The following GPR174 variants were observed in gnomAD, a reference collection of about 807,000 sequenced individuals.
The protein encoded by GPR174 is probable G protein-coupled receptor 174.
GPR174 carries 8 observed loss-of-function variants against 16.5 expected under a neutral mutation model. The observed-to-expected ratio is 0.48, with a 90% CI of 0.28 to 0.87. GPR174 has a LOEUF of 0.87. Ranked by LOEUF, GPR174 falls within the 40% of genes least tolerant of loss-of-function variation. The pLI is 0.09. For synonymous variants in GPR174, 111 were observed against 94.8 expected, an observed-to-expected ratio of 1.17 and a Z score of -0.99; for missense variants, 214 against 247.5, an observed-to-expected ratio of 0.86 and a Z score of 0.91.
At chrX:79,159,416 G>A (rs901180179) in intron 2 of GPR174, among the ~76,000 whole-genome samples, 3 of 112,126 alleles carry the variant, frequency 2.7e-5, no homozygotes, top group Admixed American at 9.4e-5. Flanking sequence ...TGGCCACAAC[G>A]TTTGTGTATG....
chrX:79,158,265 C>A (rs1293904085), intron 2 of GPR174, among the ~76,000 whole-genome samples: 2 of 105,700 alleles, frequency 1.9e-5, no homozygotes, highest in Non-Finnish European at 3.9e-5. Flanking sequence ...CTGTTCAAGA[C>A]CACTTGAGCC....
intron 2 of GPR174, among the ~76,000 whole-genome samples, chrX:79,158,085 A>G (rs906782834): frequency 3.8e-5 from 4 of 105,723 alleles, no homozygotes; most frequent in African/African-American, 1.4e-4. Flanking sequence ...AGGGAATGGC[A>G]AAAACCACAA....
In GPR174 at chrX:79,175,312, A is replaced by G. The variant is rs1921614558; in HGVS notation, c.*3303A>G. 8.9e-6 allele frequency: 1 copy of G among 112,334 alleles called. No homozygotes were observed. The highest frequency in any genetic ancestry group is 9.4e-5 in the Admixed American group (1 of 10,593). The allele number at this position is 112,334 out of a possible 1,213,427, so 9.3% of individuals were successfully genotyped here. On this transcript the variant is annotated 3_prime_UTR_variant, in exon 3 of 3. Coordinates refer to ENST00000645147, the MANE Select transcript of GPR174 (RefSeq NM_032553.3). ...TAATAAAGATTGTCTTTGTAATTAC[A>G]TAGAAATTTTCTGCCTCCAGAAGTC...
At position 79,171,427 on chromosome X, in the gene GPR174, T is replaced by C; in HGVS notation, c.420T>C (p.Ala140=). 8.3e-7 allele frequency: 1 copy of C among 1,211,742 alleles called. No individual in the cohort carries two copies. ...KQKYDLYISI[A]GWLIICLACV... ...AATATGACCTGTACATCAGCATTGC[T>C]GGCTGGCTGATCATCTGCCTTGCCT... Residue 140 remains alanine, a synonymous_variant, in exon 3 of 3, where the codon GCT becomes GCC. Coordinates refer to ENST00000645147, the MANE Select transcript of GPR174 (RefSeq NM_032553.3).
At chrX:79,169,554 T>A (rs1482906650) in intron 2 of GPR174, among the ~76,000 whole-genome samples, 2 of 111,856 alleles carry the variant, frequency 1.8e-5, no homozygotes, top group African/African-American at 3.2e-5. Context: ...AGGGGCTCAA[T>A]GACGCACACT....
rs1921494092 is a variant in GPR174, at chrX:79,170,827, T to C, written c.-181T>C. 2 of 436,121 alleles carry C rather than the reference T, an allele frequency of 4.6e-6. No homozygotes were observed. The highest frequency in any genetic ancestry group is 7.9e-6 in the Non-Finnish European group (2 of 253,877). 35.9% of individuals were successfully genotyped at this position (436,121 alleles called of 1,213,427 possible). On this transcript the variant is annotated 5_prime_UTR_variant, in exon 3 of 3. Transcript: ENST00000645147. ...AAATCTAAATCAAAAATGCAGATCA[T>C]TCTTTGAAAAATCCCCAAATCATAC...
intron 1 of GPR174, among the ~76,000 whole-genome samples, chrX:79,151,042 T>A (rs1926591392): frequency 9.0e-6 from 1 of 110,783 alleles, no homozygotes; most frequent in African/African-American, 3.3e-5. Flanking sequence ...TATACTCTAT[T>A]CTAAATCAAG....
At chrX:79,156,018 T>C (rs181564111) in intron 1 of GPR174, among the ~76,000 whole-genome samples, 1 of 112,301 alleles carries the variant, frequency 8.9e-6, no homozygotes, top group East Asian at 2.8e-4. Context: ...GTATTCTTTG[T>C]ATTTCATTTC....
intron 1 of GPR174, among the ~76,000 whole-genome samples, chrX:79,154,775 C>G (rs1242241767): frequency 9.0e-6 from 1 of 110,963 alleles, no homozygotes; most frequent in African/African-American, 3.3e-5. Context: ...GGTCACACCA[C>G]TAATTAGTGA....
intron 2 of GPR174, among the ~76,000 whole-genome samples, chrX:79,165,210 A>C (rs922045496): frequency 9.1e-6 from 1 of 110,332 alleles, no homozygotes; most frequent in African/African-American, 3.3e-5. Flanking sequence ...TTAAAATGAA[A>C]TGCTATAGAT....
intron 2 of GPR174, among the ~76,000 whole-genome samples, chrX:79,159,891 A>G (rs1413681395): frequency 2.7e-5 from 3 of 111,993 alleles, no homozygotes; most frequent in Non-Finnish European, 5.6e-5. Flanking sequence ...GGGCACCCAG[A>G]GAAATTAAGT....
At chrX:79,151,314 C>CAT (rs1489219455) in intron 1 of GPR174, among the ~76,000 whole-genome samples, 2 of 111,666 alleles carry the variant, frequency 1.8e-5, no homozygotes, top group African/African-American at 6.5e-5. Context: ...CAAGAAATTA[C>CAT]ATAACTTGCC....
chrX:79,171,519 A>G lies in GPR174; in HGVS notation c.512A>G (p.Asp171Gly). ...TSGNRTKCFV[D>G]LPTRNVNLAQ... ...GGCAATAGGACCAAATGCTTTGTGG[A>G]TCTTCCTACCAGGAATGTCAACCTG... is the stretch of plus-strand genomic sequence containing the variant. Residue 171 changes from aspartate to glycine, a missense_variant, in exon 3 of 3, where the codon GAT (aspartate) becomes GGT (glycine). Physicochemically the swap from Asp to Gly is moderately conservative, Grantham distance 94. Coordinates refer to ENST00000645147, the MANE Select transcript of GPR174 (RefSeq NM_032553.3). 8.3e-7 allele frequency: 1 copy of G among 1,211,411 alleles called. No individual in the cohort carries two copies. Among genetic ancestry groups the G allele is most frequent in the Non-Finnish European group, 1.1e-6 (1 of 895,431 alleles).
intron 2 of GPR174, among the ~76,000 whole-genome samples, chrX:79,166,309 G>A (rs1450316583): frequency 1.8e-5 from 2 of 110,471 alleles, no homozygotes; most frequent in Non-Finnish European, 3.8e-5. Context: ...GATAAACAAG[G>A]TGTGCAAACC....
chrX:79,170,596 A>T lies in GPR174; in HGVS notation c.-412A>T, dbSNP rs1404628355. ...CCTTTCTTCTATGTGAGCCAAAAAA[A>T]GAAAAACGGCCTGCCAGACACCTGT... is the stretch of plus-strand genomic sequence containing the variant. On this transcript the variant is annotated 5_prime_UTR_variant, in exon 3 of 3. In the 5' UTR this introduces an upstream ATG that the reference lacks. Transcript: ENST00000645147. 1 of 124,695 alleles carries T rather than the reference A, an allele frequency of 8.0e-6. No individual in the cohort carries two copies. Among genetic ancestry groups the T allele is most frequent in the Non-Finnish European group, 1.6e-5 (1 of 61,246 alleles). The allele number at this position is 124,695 out of a possible 1,213,427, so 10.3% of individuals were successfully genotyped here.
intron 1 of GPR174, among the ~76,000 whole-genome samples, chrX:79,149,442 G>T (rs1269014653): frequency 8.9e-6 from 1 of 111,976 alleles, no homozygotes; most frequent in Non-Finnish European, 1.9e-5. Context: ...ACAAAGGAAA[G>T]TTCAGTGACT....
intron 2 of GPR174, among the ~76,000 whole-genome samples, chrX:79,160,785 T>C (rs1016657252): frequency 1.2e-4 from 13 of 111,864 alleles, no homozygotes; most frequent in Admixed American, 1.0e-3. Flanking sequence ...AGTAGAAGTC[T>C]AAATAGAAGG....
At chrX:79,162,463 C>A (rs1921258978) in intron 2 of GPR174, among the ~76,000 whole-genome samples, 1 of 112,053 alleles carries the variant, frequency 8.9e-6, no homozygotes, top group African/African-American at 3.2e-5. Context: ...AAATGTTTTT[C>A]AGTGGCCAAT....
At chrX:79,169,078 A>G (rs1921446603) in intron 2 of GPR174, among the ~76,000 whole-genome samples, 1 of 112,154 alleles carries the variant, frequency 8.9e-6, no homozygotes, top group Admixed American at 9.4e-5. Context: ...CATATGAAAT[A>G]GTTTCTCACT....
Sources: allele counts gnomAD v4.1 joint callset (sites outside exome capture counted in the v4.1 genomes callset), GRCh38; gene constraint gnomAD v4.1.1; transcripts MANE v1.5; gene names NCBI Gene and HGNC (gene_info 2026-07-23, HGNC 2026-07-21).